Variants in KDM5B observed in about 807,000 individuals in gnomAD.
The protein encoded by KDM5B is lysine demethylase 5B, also known as lysine-specific demethylase 5B.
In KDM5B, 144 loss-of-function variants were observed where a neutral mutation model predicts 193.4. That is an observed-to-expected ratio of 0.74 (90% confidence interval 0.65 to 0.86). KDM5B has a LOEUF of 0.86. Among genes scored for constraint, KDM5B ranks in the 40% least tolerant of loss-of-function variants. KDM5B has a pLI of 0.00. For synonymous variants in KDM5B, 668 were observed against 682.6 expected, an observed-to-expected ratio of 0.98 and a Z score of 0.33; for missense variants, 1,833 against 1,886.9, an observed-to-expected ratio of 0.97 and a Z score of 0.53.
At chr1:202,801,511 G>A (rs1658072536) in intron 1 of KDM5B, among the ~76,000 whole-genome samples, 1 of 151,968 alleles carries the variant, frequency 6.6e-6, no homozygotes, top group Non-Finnish European at 1.5e-5. Flanking sequence ...TCATTAATCT[G>A]GTTCATAAAC....
chr1:202,798,839 A>G (rs1169498577), intron 1 of KDM5B, among the ~76,000 whole-genome samples: 2 of 152,114 alleles, frequency 1.3e-5, no homozygotes, highest in Non-Finnish European at 2.9e-5. Flanking sequence ...TCGGCAACAC[A>G]GCAAGACCCT....
At chr1:202,778,778 A>G (rs1657068660) in intron 1 of KDM5B, among the ~76,000 whole-genome samples, 1 of 152,046 alleles carries the variant, frequency 6.6e-6, no homozygotes, top group Admixed American at 6.6e-5. Flanking sequence ...ATGTGCCACC[A>G]CACCCAGCTA....
chr1:202,807,907 C>T (rs1448509601), intron 1 of KDM5B, among the ~76,000 whole-genome samples, 195 bp downstream of exon 1: 4 of 151,996 alleles, frequency 2.6e-5, no homozygotes, highest in South Asian at 2.1e-4. Context: ...CTCCCACGCT[C>T]CTCATCTCCC....
chr1:202,730,788 G>A (rs1182924667), intron 25 of KDM5B, 121 bp downstream of exon 25: 1 of 901,042 alleles, frequency 1.1e-6, no homozygotes, highest in Non-Finnish European at 1.7e-6. Context: ...TTCAAAATGG[G>A]TCATCCTCAG....
intron 23 of KDM5B, 65 bp from the exon 24 acceptor site, chr1:202,732,004 A>G: frequency 1.0e-6 from 1 of 983,462 alleles, no homozygotes; most frequent in Admixed American, 2.5e-5. Flanking sequence ...CATTAGTCCA[A>G]TGACAGTAGC....
chr1:202,757,750 G>A (rs1411812677), intron 9 of KDM5B, among the ~76,000 whole-genome samples: 1 of 152,186 alleles, frequency 6.6e-6, no homozygotes, highest in Non-Finnish European at 1.5e-5. Context: ...GAATGAGGGA[G>A]AATGACTCTC....
chr1:202,734,302 A>G (rs990480558), intron 22 of KDM5B, among the ~76,000 whole-genome samples: 53 of 151,262 alleles, frequency 3.5e-4, no homozygotes, highest in African/African-American at 1.3e-3. Flanking sequence ...TCTATTAAAA[A>G]AAAAAAAAAA....
In KDM5B at chr1:202,741,482, G is replaced by A; in HGVS notation, c.2830C>T (p.Leu944=). 1.2e-6 allele frequency: 2 copies of A among 1,614,210 alleles called. No individual in the cohort carries two copies. The highest frequency in any genetic ancestry group is 1.7e-6 in the Non-Finnish European group (2 of 1,180,014). Residue 944 remains leucine, a synonymous_variant, in exon 19 of 27, where the codon CTA becomes TTA. Coordinates refer to ENST00000367265, the MANE Select transcript of KDM5B (RefSeq NM_006618.5). The part of the protein sequence containing the change: ...TLDDMRRLID[L]GVGLAPYSAV... ...GAATACGGGGCCAGCCCTACCCCTA[G>A]GTCTATGAGACGTCTCATATCATCT...
At chr1:202,778,302 C>T (rs566682226) in intron 1 of KDM5B, among the ~76,000 whole-genome samples, 47 of 151,718 alleles carry the variant, frequency 3.1e-4, no homozygotes, top group East Asian at 2.9e-3. Flanking sequence ...TATATATATA[C>T]ACACACACAC....
chr1:202,784,529 C>T (rs1657328152), intron 1 of KDM5B, among the ~76,000 whole-genome samples: 3 of 152,086 alleles, frequency 2.0e-5, no homozygotes, highest in Non-Finnish European at 4.4e-5. Flanking sequence ...ACATAAAAGA[C>T]CACTTTCTCA....
chr1:202,727,658 G>C lies in KDM5B; in HGVS notation c.*1378C>G, dbSNP rs1353062180. On this transcript the variant is annotated 3_prime_UTR_variant, in exon 27 of 27. Coordinates refer to ENST00000367265, the MANE Select transcript of KDM5B (RefSeq NM_006618.5). Reference sequence around the variant, plus strand: ...GACCCCTTTAAAAAAGAAAAGCAAGGAAAATAGCTATGGGCTATCCACAGC... The same window carrying C: ...GACCCCTTTAAAAAAGAAAAGCAAGCAAAATAGCTATGGGCTATCCACAGC... 6.6e-6 allele frequency: 1 copy of C among 152,548 alleles called. No homozygotes were observed. The allele number at this position is 152,548 out of a possible 1,614,324, so 9.4% of individuals were successfully genotyped here. A position where few individuals can be genotyped will look rare whatever the true frequency, so the allele number is the denominator to read the frequency against.
At chr1:202,778,300 T>TAC (rs752507577) in intron 1 of KDM5B, among the ~76,000 whole-genome samples, 18 of 151,958 alleles carry the variant, frequency 1.2e-4, no homozygotes, top group East Asian at 7.7e-4. Flanking sequence ...TATATATATA[T>TAC]ACACACACAC....
At chr1:202,769,965 G>T (rs147527532) in intron 4 of KDM5B, among the ~76,000 whole-genome samples, 2 of 152,158 alleles carry the variant, frequency 1.3e-5, no homozygotes, top group Non-Finnish European at 2.9e-5. Context: ...ATTGTATTAA[G>T]TGGATGATCA....
intron 1 of KDM5B, among the ~76,000 whole-genome samples, chr1:202,781,183 T>C (rs549464927): frequency 6.6e-6 from 1 of 152,278 alleles, no homozygotes; most frequent in African/African-American, 2.4e-5. Context: ...CCTGTAGTCC[T>C]ACCTACTCAG....
At chr1:202,776,475 G>A (rs1489201649) in intron 2 of KDM5B, among the ~76,000 whole-genome samples, 2 of 151,940 alleles carry the variant, frequency 1.3e-5, no homozygotes, top group African/African-American at 4.8e-5. Flanking sequence ...CCAGGAGTTT[G>A]AGACCAGCCT....
chr1:202,729,743 G>T lies in KDM5B; in HGVS notation c.4461C>A (p.Cys1487Ter). Residue 1487 changes from cysteine to a stop codon, truncating the protein, a stop_gained, in exon 26 of 27, where the codon TGC (cysteine) becomes TGA (stop). Transcript: ENST00000367265. LOFTEE classifies it high-confidence loss of function. ...QEDSEDEDAI[C>*]PAVSCLQPEG... ...CTGGCTGCAGGCAGCTCACAGCTGG[G>T]CAGATGGCATCTTCATCCTCAGAGT... 6.2e-7 allele frequency: 1 copy of T among 1,614,098 alleles called. No homozygotes were observed.
chr1:202,744,285 C>T (rs774396197), intron 16 of KDM5B, among the ~76,000 whole-genome samples: 5 of 152,122 alleles, frequency 3.3e-5, no homozygotes, highest in Non-Finnish European at 7.4e-5. Flanking sequence ...AAAGGCCGGG[C>T]GCAGTGGCTC....
chr1:202,768,065 G>A (rs1656549149), intron 4 of KDM5B, among the ~76,000 whole-genome samples: 3 of 152,130 alleles, frequency 2.0e-5, no homozygotes, highest in South Asian at 2.1e-4. Flanking sequence ...CCTCACTAGG[G>A]TTTCCATTTA....
rs371073356 is a variant in KDM5B, at chr1:202,749,142, G to A, written c.1822-3C>T. 485 of 1,603,850 alleles carry A rather than the reference G, an allele frequency of 3.0e-4. 4 individuals are homozygous for A. The South Asian group carries it at 4.3e-3, about 14-fold the overall frequency. ...ACACACTGTCGGCCTAATGGCAGCT[G>A]TATCAAAACACGGAAAGAAAAAAAT... On this transcript the variant is annotated splice_polypyrimidine_tract_variant and splice_region_variant and intron_variant, in intron 13 of 26. Transcript: ENST00000367265.
Sources: gnomAD v4.1 joint callset for allele counts (sites outside exome capture counted in the v4.1 genomes callset) on GRCh38, gnomAD v4.1.1 for gene constraint, MANE v1.5 for transcripts, NCBI Gene and HGNC (gene_info 2026-07-23, HGNC 2026-07-21) for gene names.